COBL: variants seen among roughly 807,000 people sequenced by gnomAD.
The protein encoded by COBL is cordon-bleu WH2 repeat protein, also known as protein cordon-bleu.
Under a neutral mutation model 98.8 loss-of-function variants are expected in COBL, and 51 were observed. The ratio of observed to expected loss-of-function variants is 0.52; its 90% CI spans 0.41 to 0.65. The LOEUF (loss-of-function observed/expected upper bound fraction) is 0.65. Ranked by LOEUF, COBL falls within the 30% of genes least tolerant of loss-of-function variation. COBL has a pLI of 0.00. For missense variants in COBL, 1,617 were observed against 1,617.5 expected, an observed-to-expected ratio of 1.00 and a Z score of 0.01; for synonymous variants, 634 against 651.7, an observed-to-expected ratio of 0.97 and a Z score of 0.41.
intron 5 of COBL, among the ~76,000 whole-genome samples, chr7:51,166,884 C>T (rs186272503): frequency 2.2e-4 from 34 of 152,184 alleles, no homozygotes; most frequent in Admixed American, 1.2e-3. Flanking sequence ...TATTGAAAAG[C>T]ATTTGATAAC....
intron 4 of COBL, among the ~76,000 whole-genome samples, chr7:51,188,923 A>G (rs1789813055): frequency 6.6e-6 from 1 of 152,242 alleles, no homozygotes; most frequent in African/African-American, 2.4e-5. Flanking sequence ...TGTAACAGAA[A>G]CACTTGTAAG....
At chr7:51,254,070 TG>T (rs1407233529) in intron 1 of COBL, among the ~76,000 whole-genome samples, 5 of 132,074 alleles carry the variant, frequency 3.8e-5, no homozygotes, top group East Asian at 3.9e-4. Context: ...CTTTTTGAGT[TG>T]TTTTTTTTTT....
intron 1 of COBL, among the ~76,000 whole-genome samples, chr7:51,228,001 A>C (rs1008439228): frequency 3.3e-5 from 5 of 152,214 alleles, no homozygotes; most frequent in Non-Finnish European, 2.9e-5. Flanking sequence ...TGGAGCAATA[A>C]GCCAGGGAGA....
intron 1 of COBL, among the ~76,000 whole-genome samples, chr7:51,263,277 C>T (rs964740711): frequency 2.6e-5 from 4 of 152,184 alleles, no homozygotes; most frequent in African/African-American, 9.7e-5. Flanking sequence ...GCACACAGGC[C>T]AGGAGGCCTG....
chr7:51,297,295 G>A (rs1194177578), intron 1 of COBL, among the ~76,000 whole-genome samples: 1 of 152,072 alleles, frequency 6.6e-6, no homozygotes, highest in Non-Finnish European at 1.5e-5. Context: ...TGTTAACTGG[G>A]ACTGTCCCAA....
intron 6 of COBL, among the ~76,000 whole-genome samples, chr7:51,129,329 A>G (rs371536812): frequency 1.3e-5 from 2 of 151,228 alleles, no homozygotes; most frequent in East Asian, 3.9e-4. Flanking sequence ...GGGGCGGGGG[A>G]GCTCTCTGGG....
intron 5 of COBL, among the ~76,000 whole-genome samples, chr7:51,164,532 C>T (rs1045147551): frequency 7.9e-5 from 12 of 152,004 alleles, no homozygotes; most frequent in African/African-American, 2.7e-4. Flanking sequence ...AAATATCCTT[C>T]GGACATAAAG....
At chr7:51,206,324 T>A (rs1791698776) in intron 2 of COBL, among the ~76,000 whole-genome samples, 1 of 151,628 alleles carries the variant, frequency 6.6e-6, no homozygotes, top group African/African-American at 2.4e-5. Context: ...AAACCCTATC[T>A]CCACTAAAAA....
Position 51,134,744 on chromosome 7 carries a change from A to G in COBL, c.957+1414T>C, listed in dbSNP as rs1023169535. 3.3e-5 allele frequency among the ~76,000 whole-genome samples: 5 copies of G among 152,300 alleles called. No individual in the cohort carries two copies. In the East Asian group the frequency reaches 9.6e-4, roughly 29 times the overall value. ...ATCAATATGGTCTGCATATTATAAA[A>G]AAGTTCAGAATCTACATCCAAGCAA... is the stretch of plus-strand genomic sequence containing the variant. On this transcript the variant is annotated intron_variant, in intron 6 of 12. Transcript: ENST00000265136.
intron 1 of COBL, among the ~76,000 whole-genome samples, chr7:51,309,965 G>C (rs1371871720): frequency 6.6e-6 from 1 of 152,194 alleles, no homozygotes; most frequent in Non-Finnish European, 1.5e-5. Flanking sequence ...CAGGCATTCT[G>C]AGAAAGGGGC....
intron 1 of COBL, among the ~76,000 whole-genome samples, chr7:51,282,290 TA>T (rs1221259782): frequency 1.3e-5 from 2 of 152,068 alleles, no homozygotes; most frequent in African/African-American, 4.8e-5. Flanking sequence ...ACAATCCAAC[TA>T]AAAGACAGAT....
At chr7:51,206,169 C>T (rs1252519558) in intron 2 of COBL, among the ~76,000 whole-genome samples, 1 of 152,044 alleles carries the variant, frequency 6.6e-6, no homozygotes, top group African/African-American at 2.4e-5. Context: ...ACCATATAAC[C>T]CACCAATCCC....
At chr7:51,122,043 T>A (rs1211652438) in intron 6 of COBL, among the ~76,000 whole-genome samples, 4 of 152,294 alleles carry the variant, frequency 2.6e-5, no homozygotes, top group Admixed American at 2.0e-4. Flanking sequence ...TGCTAAACTG[T>A]CAACGTGCAG....
intron 6 of COBL, among the ~76,000 whole-genome samples, chr7:51,122,804 C>G (rs1418070932): frequency 1.3e-5 from 2 of 151,988 alleles, no homozygotes; most frequent in Non-Finnish European, 2.9e-5. Flanking sequence ...CATGGCAAAA[C>G]CCTGTCTCTA....
In COBL at chr7:51,028,161, C is replaced by T. The variant is rs1460188566; in HGVS notation, c.2935G>A (p.Val979Ile). The change falls in exon 10 of 13, where the codon GTT becomes ATT. Residue 979 changes from valine (V) to isoleucine (I), a missense_variant. Physicochemically the swap from Val to Ile is conservative, Grantham distance 29. Coordinates refer to ENST00000265136, the MANE Select transcript of COBL (RefSeq NM_015198.5). ...AIHRSSCFSL[V>I]QSSQRDRVSV... is the part of the protein sequence containing the mutation. ...ACACGATCCCTCTGGGAAGACTGAACCAGTGAGAAACAGGAGCTTCTGTGG... is the reference window on the plus strand; with the variant it reads ...ACACGATCCCTCTGGGAAGACTGAATCAGTGAGAAACAGGAGCTTCTGTGG... 3 of 1,614,114 alleles carry T rather than the reference C, an allele frequency of 1.9e-6. No homozygotes were observed. Among genetic ancestry groups the T allele is most frequent in the East Asian group, 2.2e-5 (1 of 44,892 alleles).
At chr7:51,112,714 AG>A (rs2128979438) in intron 6 of COBL, among the ~76,000 whole-genome samples, 1 of 152,242 alleles carries the variant, frequency 6.6e-6, no homozygotes, top group South Asian at 2.1e-4. Context: ...TCCACAGAGG[AG>A]GGGCCCTTGG....
At chr7:51,064,434 T>C (rs1190312214) in intron 7 of COBL, 2 of 151,830 alleles carry the variant, frequency 1.3e-5, no homozygotes, top group East Asian at 1.9e-4. Flanking sequence ...ACAATAACCA[T>C]GAAGCGGGAA....
chr7:51,018,905 A>AAATATAT (rs1554345519), intron 12 of COBL, among the ~76,000 whole-genome samples: 3 of 34,438 alleles, frequency 8.7e-5, no homozygotes, highest in Non-Finnish European at 1.6e-4. Flanking sequence ...AAAAAAAAAA[A>AAATATAT]ATATATATAT....
chr7:51,244,152 A>G (rs1414316362), intron 1 of COBL, among the ~76,000 whole-genome samples: 2 of 152,286 alleles, frequency 1.3e-5, no homozygotes, highest in East Asian at 3.9e-4. Flanking sequence ...CTCCAGGATG[A>G]AACCCAGTGC....
Sources: gnomAD v4.1 joint callset for allele counts (sites outside exome capture counted in the v4.1 genomes callset) on GRCh38, gnomAD v4.1.1 for gene constraint, MANE v1.5 for transcripts, NCBI Gene and HGNC (gene_info 2026-07-23, HGNC 2026-07-21) for gene names.